Variants in DYNC2I1 observed in about 807,000 individuals in gnomAD.
The protein encoded by DYNC2I1 is cytoplasmic dynein 2 intermediate chain 1.
A neutral mutation model predicts 133.4 loss-of-function variants in DYNC2I1; 89 were observed. The observed-to-expected ratio is 0.67, with a 90% CI of 0.56 to 0.80. The LOEUF (loss-of-function observed/expected upper bound fraction) is 0.80. Among genes scored for constraint, DYNC2I1 ranks in the 30% least tolerant of loss-of-function variants. The probability of loss-of-function intolerance (pLI) is 0.00; values close to 1 mark genes in which losing one functional copy is unlikely to be tolerated. For missense variants in DYNC2I1, 1,291 were observed against 1,314.5 expected (o/e 0.98, Z 0.28); for synonymous variants, 504 against 484.3 (o/e 1.04, Z -0.54).
chr7:158,900,749 T>C (rs888102848), intron 8 of DYNC2I1, among the ~76,000 whole-genome samples: 18 of 150,188 alleles, frequency 1.2e-4, no homozygotes, highest in Non-Finnish European at 1.8e-4. Context: ...TTTTTTTTTT[T>C]CCTTCCCGCT....
Position 158,879,696 on chromosome 7 carries a change from G to A in DYNC2I1, c.586G>A (p.Asp196Asn), listed in dbSNP as rs766627549. The change falls in exon 5 of 25, where the codon GAC (aspartate) becomes AAC (asparagine). Residue 196 changes from aspartate to asparagine, a missense_variant. Coordinates refer to ENST00000407559, the MANE Select transcript of DYNC2I1 (RefSeq NM_018051.5). ...TCGTGTTTTACAGCTGCAGTACGGAGACAGCAAGGACAACCCTCTCAAGTA... is the reference window on the plus strand; with the variant it reads ...TCGTGTTTTACAGCTGCAGTACGGAAACAGCAAGGACAACCCTCTCAAGTA... ...RYRERKLQYG[D>N]SKDNPLKYWL... 1.3e-6 allele frequency: 2 copies of A among 1,583,452 alleles called. No individual in the cohort carries two copies. Among genetic ancestry groups the A allele is most frequent in the African/African-American group, 1.4e-5 (1 of 72,462 alleles).
chr7:158,929,840 G>A (rs2129487449), intron 20 of DYNC2I1, among the ~76,000 whole-genome samples: 1 of 152,364 alleles, frequency 6.6e-6, no homozygotes, highest in South Asian at 2.1e-4. Flanking sequence ...TGGCCGAGGA[G>A]CCAGCGCTGT....
At position 158,926,384 on chromosome 7, in the gene DYNC2I1, T is replaced by A; in HGVS notation, c.2372-18T>A. On this transcript the variant is annotated intron_variant, in intron 18 of 24. Transcript: ENST00000407559. ...TTATTTAAAGCCATTTCTTTCTTTT[T>A]GTTTCTGTCTTCATCAGAAATGTCA... 6.2e-7 allele frequency: 1 copy of A among 1,609,356 alleles called. No homozygotes were observed. Among genetic ancestry groups the A allele is most frequent in the Non-Finnish European group, 8.5e-7 (1 of 1,177,524 alleles).
intron 10 of DYNC2I1, chr7:158,904,099 G>A (rs1212391316): frequency 2.0e-5 from 3 of 152,274 alleles, no homozygotes; most frequent in African/African-American, 7.2e-5. Context: ...TGCTGAAGCA[G>A]GAATCACGGA....
At chr7:158,931,901 T>C (rs1036719742) in intron 21 of DYNC2I1, among the ~76,000 whole-genome samples, 1 of 152,190 alleles carries the variant, frequency 6.6e-6, no homozygotes, top group African/African-American at 2.4e-5. Context: ...AAGAAGGCTC[T>C]GCAGTGGAGT....
the DYNC2I1 span, among the ~76,000 whole-genome samples, chr7:158,848,396 G>A: frequency 2.5e-4 from 38 of 152,268 alleles, 1 homozygote; most frequent in East Asian, 7.1e-3. Context: ...TGGGCACCTT[G>A]CGTGATATTA....
In DYNC2I1 at chr7:158,918,783, C is replaced by G. The variant is rs1202023790; in HGVS notation, c.1835C>G (p.Pro612Arg). 1 of 1,613,646 alleles carries G rather than the reference C, an allele frequency of 6.2e-7. No individual in the cohort carries two copies. Among genetic ancestry groups the G allele is most frequent in the East Asian group, 2.2e-5 (1 of 44,888 alleles). ...LLEEDRLAAE[P>R]SWNLRAQDRA... ...GAAGAGGATCGCTTGGCAGCTGAACCCAGCTGGAATCTTAGGGCTCAAGAC... is the reference window on the plus strand; with the variant it reads ...GAAGAGGATCGCTTGGCAGCTGAACGCAGCTGGAATCTTAGGGCTCAAGAC... Residue 612 changes from proline to arginine, a missense_variant, in exon 15 of 25, where the codon CCC (proline) becomes CGC (arginine). Coordinates refer to ENST00000407559, the MANE Select transcript of DYNC2I1 (RefSeq NM_018051.5).
chr7:158,875,425 C>G (rs114208165), intron 3 of DYNC2I1, among the ~76,000 whole-genome samples: 1 of 152,276 alleles, frequency 6.6e-6, no homozygotes, highest in African/African-American at 2.4e-5. Context: ...TGCACTTTGC[C>G]TCAGTGATCT....
chr7:158,854,101 C>T (rs548901308), upstream of DYNC2I1, among the ~76,000 whole-genome samples: 161 of 152,192 alleles, frequency 1.1e-3, no homozygotes, highest in Non-Finnish European at 1.8e-3. Flanking sequence ...TGTCTTCTTG[C>T]GCTGAGTCAG....
At chr7:158,929,337 G>A (rs534771332) in intron 20 of DYNC2I1, among the ~76,000 whole-genome samples, 1 of 152,262 alleles carries the variant, frequency 6.6e-6, no homozygotes, top group Non-Finnish European at 1.5e-5. Flanking sequence ...CCCCAGCCCG[G>A]GAGAGGGCGA....
the DYNC2I1 span, among the ~76,000 whole-genome samples, chr7:158,850,921 A>C: frequency 6.6e-4 from 101 of 151,984 alleles, 1 homozygote; most frequent in African/African-American, 2.3e-3. Flanking sequence ...GCTGGAGTCT[A>C]CGGAGCCTGA....
chr7:158,858,725 C>T (rs1460493426), intron 1 of DYNC2I1, among the ~76,000 whole-genome samples: 1 of 151,996 alleles, frequency 6.6e-6, no homozygotes, highest in African/African-American at 2.4e-5. Flanking sequence ...CATTGTGCTT[C>T]TGGGTTAGGC....
At chr7:158,914,460 A>G in intron 14 of DYNC2I1, 139 bp downstream of exon 14, 1 of 695,280 alleles carries the variant, frequency 1.4e-6, no homozygotes. Flanking sequence ...TTCAAGTATT[A>G]TTTTCTTACA....
Position 158,926,214 on chromosome 7 carries a change from G to T in DYNC2I1, c.2285G>T (p.Arg762Leu). The change falls in exon 18 of 25, where the codon CGA (arginine) becomes CTA (leucine). Residue 762 changes from arginine to leucine, a missense_variant. Transcript: ENST00000407559. ...GGAATCCTTACCTCAGTAAACCACC[G>T]AAGCCCTCTTCAAGCAGTAGAACCT... ...TDGILTSVNHRSPLQAVEPIS... is the reference protein window; with the variant it reads ...TDGILTSVNHLSPLQAVEPIS... The T allele has an allele frequency of 1.2e-6, 2 of 1,613,476 alleles. No homozygotes were observed. Among genetic ancestry groups the T allele is most frequent in the South Asian group, 2.2e-5 (2 of 90,850 alleles).
At position 158,953,862 on chromosome 7, in the gene DYNC2I1, A is replaced by C. The variant is rs191233597; in HGVS notation, c.*57-2721A>C. Among the ~76,000 whole-genome samples, 678 of 151,976 alleles carry C rather than the reference A, an allele frequency of 4.5e-3. 4 individuals carry two copies. Among genetic ancestry groups the C allele is most frequent in the Admixed American group, 6.7e-3 (102 of 15,262 alleles). ...GGCATATATGTTATATATATGCCTAAAAATTAGCTTGGGGAAGGTGGTGAA... is the reference window on the plus strand; with the variant it reads ...GGCATATATGTTATATATATGCCTACAAATTAGCTTGGGGAAGGTGGTGAA... On this transcript the variant is annotated intron_variant and NMD_transcript_variant, in intron 4 of 4. Transcript: ENST00000454771.
In DYNC2I1 at chr7:158,939,637, A is replaced by G. The variant is rs1258398304; in HGVS notation, c.2779-2288A>G. Among the ~76,000 whole-genome samples the G allele has an allele frequency of 2.6e-5, 4 of 152,336 alleles. No individual in the cohort carries two copies. The South Asian group carries it at 8.3e-4, about 32-fold the overall frequency. ...TCTCACTTAGCCATAATATCACTGA[A>G]TGTAAATGGTCTCAATTCTCCAATT... On this transcript the variant is annotated intron_variant, in intron 23 of 24. Transcript: ENST00000407559.
intron 6 of DYNC2I1, among the ~76,000 whole-genome samples, chr7:158,885,016 T>A (rs542964890): frequency 6.6e-6 from 1 of 152,320 alleles, no homozygotes; most frequent in Admixed American, 6.5e-5. Context: ...GAGGGAGTCC[T>A]CCCTGCCTGA....
At chr7:158,871,053 G>T in intron 2 of DYNC2I1, 89 bp from the exon 3 acceptor site, 1 of 1,425,572 alleles carries the variant, frequency 7.0e-7, no homozygotes, top group Non-Finnish European at 9.5e-7. Flanking sequence ...AGGCCCTTCA[G>T]CTGTGTGTGC....
intron 10 of DYNC2I1, chr7:158,905,140 CTTTTTTT>C (rs77389434): frequency 8.9e-5 from 30 of 338,136 alleles, no homozygotes; most frequent in Middle Eastern, 1.0e-3. Context: ...CTTTCTTTTT[CTTTTTTT>C]TTTTTTTTTT....
Sources: gnomAD v4.1 joint callset for allele counts (sites outside exome capture counted in the v4.1 genomes callset) on GRCh38, gnomAD v4.1.1 for gene constraint, MANE v1.5 for transcripts, NCBI Gene and HGNC (gene_info 2026-07-23, HGNC 2026-07-21) for gene names.